PALM2AKAP2: variants seen among roughly 807,000 people sequenced by gnomAD.
The protein encoded by PALM2AKAP2 is PALM2 and AKAP2 fusion.
Under a neutral mutation model 71.5 loss-of-function variants are expected in PALM2AKAP2, and 37 were observed. That is an observed-to-expected ratio of 0.52 (90% CI 0.40 to 0.68). The LOEUF is 0.68. Among genes scored for constraint, PALM2AKAP2 ranks in the 30% least tolerant of loss-of-function variants. PALM2AKAP2 has a pLI of 0.00. For synonymous variants in PALM2AKAP2, 468 were observed against 478.8 expected, an observed-to-expected ratio of 0.98 and a Z score of 0.29; for missense variants, 1,224 against 1,191.8, an observed-to-expected ratio of 1.03 and a Z score of -0.40.
chr9:109,991,810 G>A (rs1832488456), intron 6 of PALM2AKAP2, among the ~76,000 whole-genome samples: 1 of 152,136 alleles, frequency 6.6e-6, no homozygotes, highest in African/African-American at 2.4e-5. Context: ...ACAAAGGGAT[G>A]TCTCAGCTGG....
At chr9:110,147,428 C>T (rs1836203767) in intron 2 of PALM2AKAP2, among the ~76,000 whole-genome samples, 1 of 152,186 alleles carries the variant, frequency 6.6e-6, no homozygotes, top group South Asian at 2.1e-4. Context: ...ATACCAACCT[C>T]ATAAAAATGT....
intron 1 of PALM2AKAP2, among the ~76,000 whole-genome samples, chr9:110,105,455 G>T (rs189805099): frequency 2.0e-5 from 3 of 152,274 alleles, no homozygotes; most frequent in East Asian, 3.9e-4. Context: ...GGCAGGTTTT[G>T]TCACTGACAT....
At chr9:109,852,522 G>C (rs1473843767) in intron 1 of PALM2AKAP2, among the ~76,000 whole-genome samples, 1 of 152,128 alleles carries the variant, frequency 6.6e-6, no homozygotes, top group African/African-American at 2.4e-5. Context: ...CCTTTTGATA[G>C]TATGACTTAT....
intron 1 of PALM2AKAP2, among the ~76,000 whole-genome samples, chr9:109,763,598 G>T (rs900007849): frequency 2.6e-5 from 4 of 152,164 alleles, no homozygotes; most frequent in African/African-American, 9.7e-5. Context: ...ACCACTCACT[G>T]GGTGGCTTAA....
At chr9:109,671,517 A>G (rs1827572463) in intron 1 of PALM2AKAP2, among the ~76,000 whole-genome samples, 1 of 152,186 alleles carries the variant, frequency 6.6e-6, no homozygotes, top group Non-Finnish European at 1.5e-5. Flanking sequence ...CCTGTAGCAT[A>G]GTTCGAAGTC....
intron 6 of PALM2AKAP2, among the ~76,000 whole-genome samples, chr9:109,940,309 A>C (rs1831329810): frequency 6.6e-6 from 1 of 152,184 alleles, no homozygotes; most frequent in African/African-American, 2.4e-5. Flanking sequence ...GCCTTCAGAG[A>C]AGTTTAGAAA....
At chr9:110,014,177 A>T (rs1266313427) in intron 6 of PALM2AKAP2, among the ~76,000 whole-genome samples, 1 of 152,212 alleles carries the variant, frequency 6.6e-6, no homozygotes. Flanking sequence ...TTATTCACAC[A>T]GTTCTGGGAT....
intron 2 of PALM2AKAP2, among the ~76,000 whole-genome samples, chr9:110,144,513 ACCT>A (rs1836114473): frequency 6.6e-6 from 1 of 152,214 alleles, no homozygotes; most frequent in South Asian, 2.1e-4. Context: ...GATACAAATT[ACCT>A]CAACTCTTGA....
At chr9:109,958,110 C>T (rs773125208) in intron 6 of PALM2AKAP2, among the ~76,000 whole-genome samples, 1 of 151,524 alleles carries the variant, frequency 6.6e-6, no homozygotes, top group Non-Finnish European at 1.5e-5. Context: ...CCTTTCCTTC[C>T]CATTACAAAA....
chr9:109,758,660 AG>A (rs771272609), intron 1 of PALM2AKAP2, among the ~76,000 whole-genome samples: 3 of 151,688 alleles, frequency 2.0e-5, no homozygotes, highest in Non-Finnish European at 4.4e-5. Context: ...AAGAAGTGGT[AG>A]TTTATTTCTA....
At chr9:109,780,657 C>T in intron 1 of PALM2AKAP2, 124 bp downstream of exon 1, 1 of 1,400,670 alleles carries the variant, frequency 7.1e-7, no homozygotes, top group Non-Finnish European at 1.0e-6. Context: ...GGGGCTAAAA[C>T]TCTGTCAGGG....
chr9:110,087,127 A>G (rs1430566403), intron 1 of PALM2AKAP2, among the ~76,000 whole-genome samples: 1 of 152,086 alleles, frequency 6.6e-6, no homozygotes, highest in Admixed American at 6.5e-5. Context: ...TCTCTCCACC[A>G]TGCTGGTCCT....
chr9:109,889,072 C>T (rs186625526), intron 3 of PALM2AKAP2, among the ~76,000 whole-genome samples: 48 of 152,206 alleles, frequency 3.2e-4, no homozygotes, highest in Admixed American at 1.6e-3. Context: ...GAATACAGAA[C>T]CCTAAAAAGA....
chr9:109,680,768 A>T (rs984944029), intron 1 of PALM2AKAP2, among the ~76,000 whole-genome samples: 1 of 152,238 alleles, frequency 6.6e-6, no homozygotes, highest in African/African-American at 2.4e-5. Context: ...ATAATATAAT[A>T]TGAAAGTGTC....
At chr9:109,996,806 G>A (rs1832582566) in intron 6 of PALM2AKAP2, among the ~76,000 whole-genome samples, 1 of 152,240 alleles carries the variant, frequency 6.6e-6, no homozygotes, top group Non-Finnish European at 1.5e-5. Context: ...TGCATGGGCT[G>A]TGCACATGTA....
At chr9:110,138,181 C>T (rs1355246306) in exon 2 of PALM2AKAP2, 1 of 1,614,016 alleles carries the variant, frequency 6.2e-7, no homozygotes, top group South Asian at 1.1e-5. Flanking sequence ...CTGCTGAAGA[C>T]AGGGCGCTCA....
At chr9:110,169,711 C>T (rs933531971) in exon 4 of PALM2AKAP2, 11 of 152,310 alleles carry the variant, frequency 7.2e-5, no homozygotes, top group African/African-American at 2.4e-4. Context: ...TAAGTGCAGG[C>T]TTGGAATCAG....
chr9:110,070,384 A>G (rs958719410), intron 1 of PALM2AKAP2, among the ~76,000 whole-genome samples: 1 of 152,238 alleles, frequency 6.6e-6, no homozygotes, highest in Non-Finnish European at 1.5e-5. Flanking sequence ...CCAAAGAACA[A>G]TGACTATTTT....
intron 2 of PALM2AKAP2, among the ~76,000 whole-genome samples, chr9:110,155,824 T>C (rs1836440403): frequency 6.6e-6 from 1 of 152,224 alleles, no homozygotes; most frequent in Non-Finnish European, 1.5e-5. Context: ...GACAATTGAC[T>C]TCCTCTGCTA....
Sources: allele counts gnomAD v4.1 joint callset (sites outside exome capture counted in the v4.1 genomes callset), GRCh38; gene constraint gnomAD v4.1.1; transcripts MANE v1.5; gene names NCBI Gene and HGNC (gene_info 2026-07-23, HGNC 2026-07-21).